ZZEF1: variants seen among roughly 807,000 people sequenced by gnomAD.
The protein encoded by ZZEF1 is zinc finger ZZ-type and EF-hand domain-containing protein 1.
A neutral mutation model predicts 342.8 loss-of-function variants in ZZEF1; 157 were observed. The ratio of observed to expected loss-of-function variants is 0.46; its 90% CI spans 0.40 to 0.52. The LOEUF (loss-of-function observed/expected upper bound fraction) is 0.52, where lower values mean the gene tolerates loss of function less well. Ranked by LOEUF, ZZEF1 falls within the 20% of genes least tolerant of loss-of-function variation. The probability of loss-of-function intolerance (pLI) is 0.00; values close to 1 mark genes in which losing one functional copy is unlikely to be tolerated. For missense variants in ZZEF1, 3,480 were observed against 3,725.6 expected (o/e 0.93, Z 1.72); for synonymous variants, 1,505 against 1,429.1 (o/e 1.05, Z -1.20).
intron 11 of ZZEF1, 53 bp downstream of exon 11, chr17:4,095,778 A>G: frequency 6.5e-7 from 1 of 1,541,954 alleles, no homozygotes; most frequent in Non-Finnish European, 8.8e-7. Flanking sequence ...TATTAACTAC[A>G]AAGATTTTTG....
chr17:4,106,852 T>G (rs545527972), intron 6 of ZZEF1, among the ~76,000 whole-genome samples: 2 of 152,210 alleles, frequency 1.3e-5, no homozygotes, highest in Non-Finnish European at 2.9e-5. Context: ...CTACAACTGA[T>G]AGTCGCTTAA....
At chr17:4,029,374 A>G (rs1450273825) in intron 42 of ZZEF1, among the ~76,000 whole-genome samples, 1 of 149,588 alleles carries the variant, frequency 6.7e-6, no homozygotes, top group Non-Finnish European at 1.5e-5. Flanking sequence ...TAATCCACAG[A>G]GCAAAGAAAA....
chr17:4,024,186 G>T (rs72660212), intron 43 of ZZEF1, among the ~76,000 whole-genome samples: 8,480 of 94,488 alleles, frequency 0.09, 1,072 homozygotes, highest in African/African-American at 0.32. Context: ...TATTGCCCAG[G>T]TTTTTTTTTT....
chr17:4,137,418 GGCT>G (rs2058768213), intron 1 of ZZEF1, among the ~76,000 whole-genome samples: 1 of 152,146 alleles, frequency 6.6e-6, no homozygotes, highest in Non-Finnish European at 1.5e-5. Context: ...AGACCATCCT[GGCT>G]AACACGGTGA....
At chr17:4,123,218 C>A (rs2058513360) in intron 2 of ZZEF1, among the ~76,000 whole-genome samples, 1 of 140,814 alleles carries the variant, frequency 7.1e-6, no homozygotes, top group Non-Finnish European at 1.5e-5. Context: ...CCGCGCCCGG[C>A]CTGACCTCTT....
chr17:4,005,064 G>A lies in ZZEF1; in HGVS notation c.*1826C>T, dbSNP rs2055774462. ...TACTCGGAGTCTGGGGTGTGGAGGG[G>A]CGTGGGTGGCGCTATCTCGTCTACC... On this transcript the variant is annotated 3_prime_UTR_variant, in exon 55 of 55. Coordinates refer to ENST00000381638, the MANE Select transcript of ZZEF1 (RefSeq NM_015113.4). 6.6e-6 allele frequency: 1 copy of A among 152,422 alleles called. No homozygotes were observed. The highest frequency in any genetic ancestry group is 1.5e-5 in the Non-Finnish European group (1 of 68,176). 9.4% of individuals were successfully genotyped at this position (152,422 alleles called of 1,614,324 possible).
chr17:4,054,157 A>G lies in ZZEF1; in HGVS notation c.5334T>C (p.Asn1778=), dbSNP rs775718836. The change falls in exon 34 of 55, where the codon AAT becomes AAC. Residue 1778 remains asparagine, a synonymous_variant. Coordinates refer to ENST00000381638, the MANE Select transcript of ZZEF1 (RefSeq NM_015113.4). The part of the protein sequence containing the change: ...MFIARYCDLL[N]VDISCDGCDE... ...CACACCCATCACAAGAGATGTCCAC[A>G]TTTAACAGGTCACAGTAGCGAGCAA... 3 of 1,614,016 alleles carry G rather than the reference A, an allele frequency of 1.9e-6. No individual in the cohort carries two copies. The highest frequency in any genetic ancestry group is 2.2e-5 in the South Asian group (2 of 90,966).
chr17:4,081,470 A>G lies in ZZEF1; in HGVS notation c.2735T>C (p.Leu912Pro), dbSNP rs1186149900. The stretch of plus-strand genomic sequence containing the variant: ...GTCGTTCTTCTCAGGTAAAAGAAGA[A>G]GGCCGCCTGGATCCTTGTCACTGAA... ...TYFSDKDPGG[L>P]LLLPEKNDLA... Residue 912 changes from leucine to proline, a missense_variant, in exon 18 of 55, where the codon CTT becomes CCT. Leu to Pro is a moderately conservative substitution (Grantham distance 98). Coordinates refer to ENST00000381638, the MANE Select transcript of ZZEF1 (RefSeq NM_015113.4). 6.2e-7 allele frequency: 1 copy of G among 1,614,120 alleles called. No homozygotes were observed. The highest frequency in any genetic ancestry group is 1.1e-5 in the South Asian group (1 of 91,086).
chr17:4,014,720 G>C lies in ZZEF1; in HGVS notation c.8146-205C>G, dbSNP rs1453011015. 6.6e-6 allele frequency among the ~76,000 whole-genome samples: 1 copy of C among 152,198 alleles called. No individual in the cohort carries two copies. On this transcript the variant is annotated intron_variant, in intron 49 of 54. Coordinates refer to ENST00000381638, the MANE Select transcript of ZZEF1 (RefSeq NM_015113.4). This position sits in a 1 kb window ranked among gnomAD's most constrained non-coding sequence, Gnocchi z 4.4. ...GTGCGAGGGAGGCACAGCGGGGCAG[G>C]CAACACGGGGCCCCAGAGAAAGAGT...
At chr17:4,106,884 C>T (rs1282293167) in intron 6 of ZZEF1, among the ~76,000 whole-genome samples, 1 of 152,188 alleles carries the variant, frequency 6.6e-6, no homozygotes, top group Non-Finnish European at 1.5e-5. Context: ...ATGAAAATCC[C>T]TGAAACAATT....
At chr17:4,118,893 T>C (rs902076203) in intron 2 of ZZEF1, among the ~76,000 whole-genome samples, 1 of 152,240 alleles carries the variant, frequency 6.6e-6, no homozygotes, top group African/African-American at 2.4e-5. Context: ...TGTTTGCTAC[T>C]TCTCACTCAC....
At chr17:4,141,752 A>G (rs967609596) in intron 1 of ZZEF1, among the ~76,000 whole-genome samples, 3 of 151,916 alleles carry the variant, frequency 2.0e-5, no homozygotes, top group Non-Finnish European at 4.4e-5. Context: ...TCTAGTTGAT[A>G]GTCTGTTTTA....
intron 43 of ZZEF1, among the ~76,000 whole-genome samples, chr17:4,024,352 C>G (rs1482975527): frequency 1.3e-5 from 2 of 151,920 alleles, no homozygotes; most frequent in Non-Finnish European, 2.9e-5. Flanking sequence ...CACGTACCAC[C>G]ACACCTGGCT....
At chr17:4,020,227 T>C (rs1416263724) in intron 45 of ZZEF1, among the ~76,000 whole-genome samples, 1 of 152,188 alleles carries the variant, frequency 6.6e-6, no homozygotes, top group East Asian at 1.9e-4. Flanking sequence ...CCCAAAAGCG[T>C]AGAAAGGCAA....
At position 4,017,764 on chromosome 17, in the gene ZZEF1, G is replaced by T; in HGVS notation, c.7642-34C>A. The T allele has an allele frequency of 6.2e-7, 1 of 1,612,962 alleles. No individual in the cohort carries two copies. ...CCAAGACCACCATTACAGAGGTCTA[G>T]CCTTCTTACAGTGGTGGTATGGGGT... On this transcript the variant is annotated intron_variant, in intron 47 of 54. Transcript: ENST00000381638. The surrounding 1 kb of genome is among the most constrained non-coding windows in gnomAD (Gnocchi z 5.1).
chr17:4,118,580 T>C (rs1405324285), intron 2 of ZZEF1, among the ~76,000 whole-genome samples: 1 of 152,144 alleles, frequency 6.6e-6, no homozygotes, highest in East Asian at 1.9e-4. Context: ...AGCTACCTTC[T>C]GTCCTGGACC....
At chr17:4,117,491 C>G (rs1425335964) in intron 2 of ZZEF1, among the ~76,000 whole-genome samples, 1 of 151,454 alleles carries the variant, frequency 6.6e-6, no homozygotes, top group Non-Finnish European at 1.5e-5. Context: ...ACTAAAAATA[C>G]AAAAAAGTTA....
chr17:4,049,662 C>T (rs2057002337), intron 37 of ZZEF1, 46 bp downstream of exon 37: 1 of 1,610,806 alleles, frequency 6.2e-7, no homozygotes, highest in African/African-American at 1.3e-5. Context: ...ATGGCTCTCT[C>T]TAGAGTTCAA....
At chr17:4,083,292 T>G (rs544357800) in intron 16 of ZZEF1, among the ~76,000 whole-genome samples, 17 of 152,336 alleles carry the variant, frequency 1.1e-4, no homozygotes, top group African/African-American at 3.1e-4. Context: ...GTAGGACACA[T>G]GCTTGGAAAT....
Sources: gnomAD v4.1 joint callset for allele counts (sites outside exome capture counted in the v4.1 genomes callset) on GRCh38, gnomAD v4.1.1 for gene constraint, Gnocchi (gnomAD v3.1) non-coding constraint, MANE v1.5 for transcripts, NCBI Gene and HGNC (gene_info 2026-07-23, HGNC 2026-07-21) for gene names.